Variants in SUPT20H observed in about 807,000 individuals in gnomAD.
SUPT20H encodes transcription factor SPT20 homolog.
A neutral mutation model predicts 122.8 loss-of-function variants in SUPT20H; 82 were observed. The observed-to-expected ratio is 0.67, with a 90% CI of 0.56 to 0.80. The LOEUF is 0.80. Ranked by LOEUF, SUPT20H falls within the 30% of genes least tolerant of loss-of-function variation. The pLI is 0.00. For missense variants in SUPT20H, 831 were observed against 921.6 expected (o/e 0.90, Z 1.27); for synonymous variants, 291 against 313.0 (o/e 0.93, Z 0.74).
intron 7 of SUPT20H, among the ~76,000 whole-genome samples, chr13:37,042,716 C>T (rs1291144144): frequency 1.3e-5 from 2 of 151,996 alleles, no homozygotes; most frequent in African/African-American, 4.8e-5. Context: ...TGTCATGATG[C>T]CAAATGAGAT....
intron 23 of SUPT20H, chr13:37,013,423 T>C (rs979066284): frequency 6.6e-6 from 1 of 151,612 alleles, no homozygotes; most frequent in Admixed American, 6.6e-5. Flanking sequence ...TGGATACTGA[T>C]AGGAAAACAA....
intron 9 of SUPT20H, among the ~76,000 whole-genome samples, chr13:37,037,253 A>C (rs1236994965): frequency 6.6e-6 from 1 of 151,720 alleles, no homozygotes; most frequent in Non-Finnish European, 1.5e-5. Context: ...ATTAGTAGTT[A>C]AGTATTAGAG....
At chr13:37,048,442 T>C in intron 3 of SUPT20H, 122 bp downstream of exon 3, 1 of 727,166 alleles carries the variant, frequency 1.4e-6, no homozygotes, top group South Asian at 2.9e-5. Context: ...CAAAATGATA[T>C]GCATACTTGT....
At chr13:37,054,871 T>C (rs920108410) in intron 1 of SUPT20H, among the ~76,000 whole-genome samples, 12 of 152,222 alleles carry the variant, frequency 7.9e-5, no homozygotes, top group Non-Finnish European at 1.0e-4. Context: ...GAAAACCCCA[T>C]TGTCTCAGAC....
At chr13:37,018,469 A>C (rs2060909783) in intron 22 of SUPT20H, among the ~76,000 whole-genome samples, 1 of 152,186 alleles carries the variant, frequency 6.6e-6, no homozygotes, top group African/African-American at 2.4e-5. Context: ...GAATTTCCCG[A>C]TTTGTTAATC....
chr13:37,046,679 A>G (rs1037454913), intron 5 of SUPT20H, among the ~76,000 whole-genome samples: 1 of 152,166 alleles, frequency 6.6e-6, no homozygotes, highest in East Asian at 1.9e-4. Flanking sequence ...TGACATGATG[A>G]ATATGTACAT....
chr13:37,047,604 A>G lies in SUPT20H; in HGVS notation c.99-3T>C, dbSNP rs759046035. The stretch of plus-strand genomic sequence containing the variant: ...AAAGTTTTTGAAATACAGATTTTCT[A>G]AAAAAATTTAATGAAACAAATATAT... On this transcript the variant is annotated splice_region_variant and splice_polypyrimidine_tract_variant and intron_variant, in intron 4 of 25. Transcript: ENST00000350612. 1.8e-5 allele frequency: 25 copies of G among 1,383,478 alleles called. No homozygotes were observed. The highest frequency in any genetic ancestry group is 8.7e-5 in the Admixed American group (3 of 34,494). 85.7% of individuals were successfully genotyped at this position (1,383,478 alleles called of 1,614,324 possible). A position where few individuals can be genotyped will look rare whatever the true frequency, so the allele number is the denominator to read the frequency against.
intron 23 of SUPT20H, 64 bp downstream of exon 23, chr13:37,017,181 G>C: frequency 6.2e-7 from 1 of 1,606,140 alleles, no homozygotes; most frequent in Non-Finnish European, 8.5e-7. Context: ...AAGTATGCTT[G>C]GAATATACCA....
chr13:37,029,583 G>A (rs572879733), intron 13 of SUPT20H, among the ~76,000 whole-genome samples, 182 bp downstream of exon 13: 1 of 152,122 alleles, frequency 6.6e-6, no homozygotes, highest in South Asian at 2.1e-4. Context: ...TGTTTAAAAT[G>A]CAAAGCATAC....
intron 1 of SUPT20H, among the ~76,000 whole-genome samples, chr13:37,057,764 T>C (rs994207381): frequency 1.3e-5 from 2 of 151,844 alleles, no homozygotes; most frequent in Non-Finnish European, 2.9e-5. Context: ...GCTTCAGCCC[T>C]GGAGTTCGAG....
rs2063397985 is a variant in SUPT20H, at chr13:37,031,891, A to G, written c.712T>C (p.Phe238Leu). ...AGAGAGGATCTGGAATACCTCTTGA[A>G]ACACCTGAAATATTAAGAAATTTGA... ...KMNTRPMKRC[F>L]KRYSRSSLNR... Residue 238 changes from phenylalanine (F) to leucine (L), a missense_variant, in exon 11 of 26, where the codon TTC becomes CTC. Physicochemically the swap from Phe to Leu is conservative, Grantham distance 22. Transcript: ENST00000350612. 1 of 1,576,932 alleles carries G rather than the reference A, an allele frequency of 6.3e-7. No individual in the cohort carries two copies.
intron 18 of SUPT20H, 70 bp downstream of exon 18, chr13:37,024,270 G>A (rs2061833679): frequency 6.6e-7 from 1 of 1,522,762 alleles, no homozygotes. Context: ...ATGGGGCAAA[G>A]TTTTAAAAAG....
rs1031214797 is a variant in SUPT20H at position 37,059,579 on chromosome 13, C to G, written c.-114G>C. The G allele has an allele frequency of 2.6e-5, 4 of 152,422 alleles. No individual in the cohort carries two copies. Among genetic ancestry groups the G allele is most frequent in the Admixed American group, 2.6e-4 (4 of 15,286 alleles). The allele number at this position is 152,422 out of a possible 1,614,324, so 9.4% of individuals were successfully genotyped here. ...CCCACCTGTGCGGGTCGCCTCGCCGCTAGGCCCCAAGACGGCGCCGCCTGC... is the reference window on the plus strand; with the variant it reads ...CCCACCTGTGCGGGTCGCCTCGCCGGTAGGCCCCAAGACGGCGCCGCCTGC... On this transcript the variant is annotated 5_prime_UTR_variant, in exon 1 of 26. Transcript: ENST00000350612.
chr13:37,036,523 TG>T (rs1447440975), intron 9 of SUPT20H, among the ~76,000 whole-genome samples: 1 of 152,118 alleles, frequency 6.6e-6, no homozygotes, highest in Non-Finnish European at 1.5e-5. Flanking sequence ...GGTTTCACCA[TG>T]TTGGCCGGGA....
intron 16 of SUPT20H, chr13:37,025,893 T>C: frequency 3.8e-6 from 1 of 263,394 alleles, no homozygotes; most frequent in Non-Finnish European, 7.1e-6. Flanking sequence ...ATTATAAACT[T>C]TGGAAAAATG....
Position 37,009,728 on chromosome 13 carries a change from C to T in SUPT20H, c.2284G>A (p.Gly762Ser), listed in dbSNP as rs776643456. 47 of 1,613,950 alleles carry T rather than the reference C, an allele frequency of 2.9e-5. No individual in the cohort carries two copies. Among genetic ancestry groups the T allele is most frequent in the African/African-American group, 4.0e-5 (3 of 74,912 alleles). ...TAQLHHHRHT[G>S]SQSKSKMKRG... is the part of the protein sequence containing the mutation. ...TTCATTTTACTTTTTGACTGGCTGC[C>T]TGTATGCCGATGATGATGTAGCTGA... The change falls in exon 26 of 26, where the codon GGC becomes AGC. Residue 762 changes from glycine to serine, a missense_variant. Transcript: ENST00000350612.
intron 9 of SUPT20H, among the ~76,000 whole-genome samples, chr13:37,035,781 C>T (rs767263626): frequency 3.9e-4 from 60 of 152,268 alleles, no homozygotes; most frequent in Non-Finnish European, 7.1e-4. Flanking sequence ...CCGCCTGCTT[C>T]GGCCTCCCAA....
intron 2 of SUPT20H, 45 bp downstream of exon 2, chr13:37,051,443 G>A: frequency 6.4e-7 from 1 of 1,573,614 alleles, no homozygotes; most frequent in Middle Eastern, 1.8e-4. Context: ...TGAAGGAAGA[G>A]AACATTCTAA....
chr13:37,059,110 T>C (rs1405593898), intron 1 of SUPT20H: 2 of 152,206 alleles, frequency 1.3e-5, no homozygotes, highest in African/African-American at 2.4e-5. Flanking sequence ...CTATCAATTC[T>C]ACGCGTTGCT....
Sources: gnomAD v4.1 joint callset for allele counts (sites outside exome capture counted in the v4.1 genomes callset) on GRCh38, gnomAD v4.1.1 for gene constraint, MANE v1.5 for transcripts, NCBI Gene and HGNC (gene_info 2026-07-23, HGNC 2026-07-21) for gene names.